The following PID1 variants were observed in gnomAD, a reference collection of about 807,000 sequenced individuals.
The protein encoded by PID1 is phosphotyrosine interaction domain containing 1.
Under a neutral mutation model 19.1 loss-of-function variants are expected in PID1, and 10 were observed. That is an observed-to-expected ratio of 0.52 (90% CI 0.32 to 0.89). The LOEUF (loss-of-function observed/expected upper bound fraction) is 0.89. Among genes scored for constraint, PID1 ranks in the 40% least tolerant of loss-of-function variants. The probability of loss-of-function intolerance (pLI) is 0.03; values close to 1 mark genes in which losing one functional copy is unlikely to be tolerated. For synonymous variants in PID1, 130 were observed against 116.0 expected, an observed-to-expected ratio of 1.12 and a Z score of -0.78; for missense variants, 248 against 285.3, an observed-to-expected ratio of 0.87 and a Z score of 0.94.
chr2:229,124,191 C>CCTAACAAG (rs1447961097), intron 2 of PID1, among the ~76,000 whole-genome samples: 6 of 152,076 alleles, frequency 3.9e-5, no homozygotes, highest in Non-Finnish European at 5.9e-5. Flanking sequence ...TTCTTTTTGA[C>CCTAACAAG]CTAACAAGGA....
At chr2:229,176,159 TAA>T (rs3084653) in intron 1 of PID1, among the ~76,000 whole-genome samples, 16,736 of 149,482 alleles carry the variant, frequency 0.11, 1,123 homozygotes, top group East Asian at 0.34. Flanking sequence ...CTTCAAAAAT[TAA>T]AAAAAAAAAA....
Position 229,167,829 on chromosome 2 carries a change from A to G in PID1, c.31-11865T>C, listed in dbSNP as rs905638611. Among the ~76,000 whole-genome samples, 5 of 152,158 alleles carry G rather than the reference A, an allele frequency of 3.3e-5. No individual in the cohort carries two copies. The East Asian group carries it at 9.6e-4, about 29-fold the overall frequency. ...CACTATTGAAATCTAACATTATTTT[A>G]AAATGAAAAGTTTTAAAAATGGAAA... On this transcript the variant is annotated intron_variant, in intron 1 of 2. Coordinates refer to ENST00000392055, the MANE Select transcript of PID1 (RefSeq NM_001100818.2).
intron 1 of PID1, among the ~76,000 whole-genome samples, chr2:229,224,844 A>C (rs918976801): frequency 3.9e-5 from 6 of 152,176 alleles, no homozygotes; most frequent in African/African-American, 1.4e-4. Flanking sequence ...AAAAAAAAAA[A>C]AAAACCTATA....
intron 1 of PID1, among the ~76,000 whole-genome samples, chr2:229,221,521 C>T (rs777022826): frequency 2.2e-4 from 33 of 152,152 alleles, no homozygotes; most frequent in Non-Finnish European, 3.4e-4. Context: ...CAAACTACTC[C>T]TTCCCCAGCT....
intron 2 of PID1, among the ~76,000 whole-genome samples, chr2:229,036,634 T>A (rs1044191927): frequency 6.6e-6 from 1 of 151,846 alleles, no homozygotes; most frequent in Non-Finnish European, 1.5e-5. Context: ...TGTAAACCCA[T>A]CTACTTGGAA....
At chr2:229,036,935 C>T (rs1693676632) in intron 2 of PID1, among the ~76,000 whole-genome samples, 1 of 152,198 alleles carries the variant, frequency 6.6e-6, no homozygotes, top group Non-Finnish European at 1.5e-5. Context: ...GCTGCCTAAA[C>T]AAGGCCTTCC....
At chr2:229,265,287 C>A (rs1254046188) in intron 1 of PID1, among the ~76,000 whole-genome samples, 1 of 152,220 alleles carries the variant, frequency 6.6e-6, no homozygotes, top group Non-Finnish European at 1.5e-5. Context: ...GGAAAGAAGA[C>A]CTCAGCCAGA....
intron 2 of PID1, among the ~76,000 whole-genome samples, chr2:229,064,226 G>T (rs1217740058): frequency 6.6e-6 from 1 of 152,130 alleles, no homozygotes; most frequent in Non-Finnish European, 1.5e-5. Flanking sequence ...AGAGGCTATT[G>T]CAGTAGTTAC....
intron 2 of PID1, among the ~76,000 whole-genome samples, chr2:229,035,537 TGTGC>T (rs1693646440): frequency 7.2e-6 from 1 of 139,118 alleles, no homozygotes; most frequent in African/African-American, 2.8e-5. Context: ...TGTGTGTGTG[TGTGC>T]ACCAACCTAA....
At chr2:229,202,669 A>T (rs1691524121) in intron 1 of PID1, among the ~76,000 whole-genome samples, 1 of 152,122 alleles carries the variant, frequency 6.6e-6, no homozygotes, top group Admixed American at 6.6e-5. Context: ...TCACCTGGTC[A>T]TCAACTATTA....
chr2:229,035,575 A>T (rs1288263870), intron 2 of PID1, among the ~76,000 whole-genome samples: 1 of 151,604 alleles, frequency 6.6e-6, no homozygotes, highest in Non-Finnish European at 1.5e-5. Context: ...TTGCAAATGC[A>T]ATGATTCTGA....
intron 2 of PID1, among the ~76,000 whole-genome samples, chr2:229,037,795 T>A (rs1021102285): frequency 6.6e-6 from 1 of 151,992 alleles, no homozygotes; most frequent in Non-Finnish European, 1.5e-5. Context: ...GTCAGAAGAG[T>A]ATGCTGAAAA....
At chr2:229,191,777 A>C (rs62191682) in intron 1 of PID1, among the ~76,000 whole-genome samples, 4,999 of 152,314 alleles carry the variant, frequency 0.033, 124 homozygotes, top group Non-Finnish European at 0.053. Context: ...AAATCTCATC[A>C]ACTAAAGAGC....
intron 1 of PID1, among the ~76,000 whole-genome samples, chr2:229,269,468 C>T (rs1690678318): frequency 6.6e-6 from 1 of 152,196 alleles, no homozygotes; most frequent in African/African-American, 2.4e-5. Context: ...ACAAACTCTT[C>T]AGAGGTACAG....
chr2:229,246,215 G>A (rs191926393), intron 1 of PID1, among the ~76,000 whole-genome samples: 1 of 152,232 alleles, frequency 6.6e-6, no homozygotes, highest in African/African-American at 2.4e-5. Flanking sequence ...ATTAGCCAGG[G>A]AGCCAATACA....
In PID1 at chr2:229,262,819, A is replaced by G. The variant is rs372490574; in HGVS notation, c.30+8195T>C. 5 of 1,550,890 alleles carry G rather than the reference A, an allele frequency of 3.2e-6. No homozygotes were observed. In the African/African-American group the frequency reaches 6.8e-5, roughly 21 times the overall value. On this transcript the variant is annotated intron_variant, in intron 1 of 2. Transcript: ENST00000392055. ...AATCCTTGGCATTCCTTGGCTTATG[A>G]TGCCATAACTCCGGTTTCTGCCTTG...
chr2:229,113,509 C>CATATATATATATAT, intron 2 of PID1, among the ~76,000 whole-genome samples: 1 of 138,204 alleles, frequency 7.2e-6, no homozygotes, highest in African/African-American at 2.7e-5. Context: ...TGTGTGTATA[C>CATATATATATATAT]ATATATATAT....
At chr2:229,032,447 A>G (rs532957533) in intron 2 of PID1, among the ~76,000 whole-genome samples, 5 of 152,222 alleles carry the variant, frequency 3.3e-5, no homozygotes, top group Non-Finnish European at 7.3e-5. Flanking sequence ...AATACTTTCT[A>G]GAGGAATAAT....
At chr2:229,048,551 G>A (rs542846817) in intron 2 of PID1, among the ~76,000 whole-genome samples, 2 of 152,202 alleles carry the variant, frequency 1.3e-5, no homozygotes, top group South Asian at 4.1e-4. Flanking sequence ...CCAAAATTTG[G>A]TTCTTAAAAC....
Sources: gnomAD v4.1 joint callset for allele counts (sites outside exome capture counted in the v4.1 genomes callset) on GRCh38, gnomAD v4.1.1 for gene constraint, MANE v1.5 for transcripts, NCBI Gene and HGNC (gene_info 2026-07-23, HGNC 2026-07-21) for gene names.